The following EPB41L4B variants were observed in gnomAD, a reference collection of about 807,000 sequenced individuals.
The protein encoded by EPB41L4B is band 4.1-like protein 4B.
EPB41L4B carries 30 observed loss-of-function variants against 112.5 expected under a neutral mutation model. The observed-to-expected ratio is 0.27, with a 90% CI of 0.20 to 0.36. The LOEUF (loss-of-function observed/expected upper bound fraction) is 0.36, where lower values mean the gene tolerates loss of function less well. Among genes scored for constraint, EPB41L4B ranks in the 10% least tolerant of loss-of-function variants. The pLI is 1.00. For synonymous variants in EPB41L4B, 408 were observed against 439.7 expected (o/e 0.93, Z 0.90); for missense variants, 1,024 against 1,133.3 (o/e 0.90, Z 1.38).
chr9:109,176,737 G>A (rs747164596), intron 24 of EPB41L4B, 41 bp from the exon 25 acceptor site: 10 of 1,610,174 alleles, frequency 6.2e-6, no homozygotes, highest in Non-Finnish European at 8.5e-6. Context: ...TCTCAATTTG[G>A]GTTCCATTTT....
intron 1 of EPB41L4B, 105 bp from the exon 2 acceptor site, chr9:109,280,026 GCACA>G (rs1835977074): frequency 2.8e-6 from 2 of 726,462 alleles, no homozygotes; most frequent in Non-Finnish European, 2.2e-6. Context: ...ATACATGTCA[GCACA>G]CACAAATTTT....
chr9:109,172,162 C>T lies in EPB41L4B; in HGVS notation c.*2392G>A, dbSNP rs140938624. ...GGAAGCCCAGAGCCTCCTGGAAACA[C>T]TGGCCAAAAAGCCCATGCATCCCTT... On this transcript the variant is annotated 3_prime_UTR_variant, in exon 26 of 26. Transcript: ENST00000374566. 1 of 152,216 alleles carries T rather than the reference C, an allele frequency of 6.6e-6. No homozygotes were observed. Among genetic ancestry groups the T allele is most frequent in the Admixed American group, 6.5e-5 (1 of 15,280 alleles). The allele number at this position is 152,216 out of a possible 1,614,324, so 9.4% of individuals were successfully genotyped here. A position where few individuals can be genotyped will look rare whatever the true frequency, so the allele number is the denominator to read the frequency against.
In EPB41L4B at chr9:109,267,522, C is replaced by T. The variant is rs1835451766; in HGVS notation, c.484G>A (p.Val162Ile). ...IGPAYALHFRVKYYSSEPNNL... is the reference protein window; with the variant it reads ...IGPAYALHFRIKYYSSEPNNL... ...TTTGGTTCTGAAGAATAGTATTTAA[C>T]TCGAAAGTGTAAAGCATAAGCAGGT... The change falls in exon 4 of 26, where the codon GTT becomes ATT. Residue 162 changes from valine to isoleucine, a missense_variant. Coordinates refer to ENST00000374566, the MANE Select transcript of EPB41L4B (RefSeq NM_019114.5). 6.2e-7 allele frequency: 1 copy of T among 1,613,372 alleles called. No homozygotes were observed. The highest frequency in any genetic ancestry group is 1.1e-5 in the South Asian group (1 of 91,050).
At chr9:109,197,412 GA>G (rs1832678515) in intron 20 of EPB41L4B, among the ~76,000 whole-genome samples, 1 of 151,906 alleles carries the variant, frequency 6.6e-6, no homozygotes, top group South Asian at 2.1e-4. Flanking sequence ...GACAGAGTGA[GA>G]CTCCACCTCA....
At chr9:109,302,485 G>A (rs1837007085) in intron 1 of EPB41L4B, among the ~76,000 whole-genome samples, 1 of 152,124 alleles carries the variant, frequency 6.6e-6, no homozygotes, top group African/African-American at 2.4e-5. Context: ...GGTACTGGGG[G>A]TTAGGACTTC....
intron 19 of EPB41L4B, 103 bp from the exon 20 acceptor site, chr9:109,200,437 T>C (rs1481154338): frequency 2.7e-6 from 2 of 752,486 alleles, no homozygotes; most frequent in Non-Finnish European, 2.2e-6. Context: ...CTTAATAACA[T>C]TGATAGTCAA....
chr9:109,232,557 G>A (rs550907798), intron 15 of EPB41L4B, among the ~76,000 whole-genome samples: 6 of 152,238 alleles, frequency 3.9e-5, no homozygotes, highest in African/African-American at 9.6e-5. Context: ...ACAGAGCTAC[G>A]GCAGACTCAG....
intron 18 of EPB41L4B, among the ~76,000 whole-genome samples, chr9:109,207,312 G>C (rs779403167): frequency 6.6e-6 from 1 of 152,150 alleles, no homozygotes; most frequent in Non-Finnish European, 1.5e-5. Context: ...GCTCATGCCT[G>C]TAATCCCAGT....
intron 15 of EPB41L4B, chr9:109,241,790 T>C: frequency 1.2e-6 from 2 of 1,614,194 alleles, no homozygotes; most frequent in African/African-American, 1.3e-5. Context: ...CAATGCGACC[T>C]GTCATCCTGA....
At chr9:109,217,284 T>G (rs761318905) in intron 15 of EPB41L4B, 139 bp from the exon 16 acceptor site, 6 of 691,910 alleles carry the variant, frequency 8.7e-6, no homozygotes, top group South Asian at 1.9e-5. Flanking sequence ...TTATAAAGTA[T>G]ATACAATGGT....
chr9:109,307,909 A>ACTTGTTACACC (rs1371322892), intron 1 of EPB41L4B, among the ~76,000 whole-genome samples: 2 of 152,016 alleles, frequency 1.3e-5, no homozygotes, highest in Non-Finnish European at 2.9e-5. Context: ...AGGAAGCTAC[A>ACTTGTTACACC]CTTGTTACAC....
intron 17 of EPB41L4B, among the ~76,000 whole-genome samples, chr9:109,209,632 G>GA: frequency 7.0e-6 from 1 of 142,238 alleles, no homozygotes; most frequent in East Asian, 2.1e-4. Context: ...GGGCAACAGA[G>GA]CAAAACCCTG....
intron 15 of EPB41L4B, among the ~76,000 whole-genome samples, chr9:109,226,884 C>T (rs912840984): frequency 4.0e-4 from 61 of 151,172 alleles, no homozygotes; most frequent in African/African-American, 1.4e-3. Flanking sequence ...GTTGCCCAGG[C>T]AAGAGTGCAG....
intron 21 of EPB41L4B, among the ~76,000 whole-genome samples, chr9:109,193,296 C>T (rs551026255): frequency 4.7e-4 from 71 of 152,330 alleles, no homozygotes; most frequent in African/African-American, 1.7e-3. Context: ...GGAGGTGGCC[C>T]TGGACCATTA....
At chr9:109,318,223 T>C (rs1837706705) in intron 1 of EPB41L4B, among the ~76,000 whole-genome samples, 1 of 151,990 alleles carries the variant, frequency 6.6e-6, no homozygotes, top group African/African-American at 2.4e-5. Flanking sequence ...AGTCACATCA[T>C]AGAGGAATCA....
intron 17 of EPB41L4B, among the ~76,000 whole-genome samples, chr9:109,210,546 C>T (rs975090838): frequency 1.3e-5 from 2 of 152,254 alleles, no homozygotes; most frequent in Middle Eastern, 3.4e-3. Context: ...ACTGATTTTC[C>T]CCTTGAATTT....
intron 15 of EPB41L4B, among the ~76,000 whole-genome samples, chr9:109,233,180 A>C (rs1469739609): frequency 6.6e-6 from 1 of 152,236 alleles, no homozygotes; most frequent in East Asian, 1.9e-4. Flanking sequence ...TGGATGGCCT[A>C]GACTACAGCA....
At chr9:109,318,612 A>C (rs1837722686) in intron 1 of EPB41L4B, among the ~76,000 whole-genome samples, 3 of 151,330 alleles carry the variant, frequency 2.0e-5, no homozygotes, top group Admixed American at 1.3e-4. Context: ...CAAGCTGCCC[A>C]CTCCAGAGGC....
intron 6 of EPB41L4B, among the ~76,000 whole-genome samples, chr9:109,259,298 A>G (rs562056639): frequency 1.1e-4 from 16 of 152,364 alleles, no homozygotes; most frequent in African/African-American, 3.8e-4. Context: ...GGTGCGCATC[A>G]GAATCACCTG....
Sources: gnomAD v4.1 joint callset for allele counts (sites outside exome capture counted in the v4.1 genomes callset) on GRCh38, gnomAD v4.1.1 for gene constraint, MANE v1.5 for transcripts, NCBI Gene and HGNC (gene_info 2026-07-23, HGNC 2026-07-21) for gene names.